Variants in CFAP45 observed in about 807,000 individuals in gnomAD.
CFAP45 encodes cilia- and flagella-associated protein 45.
A neutral mutation model predicts 75.6 loss-of-function variants in CFAP45; 43 were observed. That is an observed-to-expected ratio of 0.57 (90% confidence interval 0.45 to 0.73). CFAP45 has a LOEUF of 0.73. Among genes scored for constraint, CFAP45 ranks in the 30% least tolerant of loss-of-function variants. The pLI is 0.00. For missense variants in CFAP45, 689 were observed against 701.5 expected, an observed-to-expected ratio of 0.98 and a Z score of 0.20; for synonymous variants, 223 against 244.6, an observed-to-expected ratio of 0.91 and a Z score of 0.82.
At chr1:159,878,983 C>T (rs1220903345) in intron 8 of CFAP45, among the ~76,000 whole-genome samples, 2 of 152,112 alleles carry the variant, frequency 1.3e-5, no homozygotes, top group East Asian at 3.9e-4. Flanking sequence ...ATAGATACCA[C>T]CGTGAGGTCG....
intron 1 of CFAP45, 190 bp downstream of exon 1, chr1:159,899,906 G>C (rs1650035206): frequency 3.4e-6 from 2 of 586,524 alleles, no homozygotes; most frequent in Admixed American, 6.6e-5. Context: ...AATCGTTATC[G>C]ATGCTATCCC....
At chr1:159,891,678 T>C (rs541332705) in intron 2 of CFAP45, among the ~76,000 whole-genome samples, 34 of 152,342 alleles carry the variant, frequency 2.2e-4, no homozygotes, top group African/African-American at 7.7e-4. Flanking sequence ...CCACTTGTCC[T>C]ACCTCACTTT....
intron 6 of CFAP45, 77 bp from the exon 7 acceptor site, chr1:159,884,642 C>A (rs1571184164): frequency 2.8e-6 from 4 of 1,430,050 alleles, no homozygotes; most frequent in East Asian, 2.4e-5. Context: ...ACCTAAACAA[C>A]CCCCAAGATG....
chr1:159,886,023 C>A (rs1017924712), intron 6 of CFAP45, among the ~76,000 whole-genome samples: 1 of 152,078 alleles, frequency 6.6e-6, no homozygotes, highest in Non-Finnish European at 1.5e-5. Context: ...CTGTGAAGTG[C>A]CTCCTAGGAT....
intron 1 of CFAP45, among the ~76,000 whole-genome samples, chr1:159,899,746 C>T (rs1650030620): frequency 6.6e-6 from 1 of 152,134 alleles, no homozygotes; most frequent in African/African-American, 2.4e-5. Flanking sequence ...GGATTACAGG[C>T]GTAAGCCACC....
At chr1:159,890,410 A>G (rs1649796547) in intron 3 of CFAP45, 70 bp downstream of exon 3, 1 of 1,505,606 alleles carries the variant, frequency 6.6e-7, no homozygotes, top group Non-Finnish European at 9.2e-7. Flanking sequence ...GGGTTTACCC[A>G]TCTCCCTACA....
chr1:159,890,996 T>C (rs1234217554), intron 2 of CFAP45, among the ~76,000 whole-genome samples: 1 of 152,114 alleles, frequency 6.6e-6, no homozygotes, highest in East Asian at 1.9e-4. Flanking sequence ...TGACCTCAGA[T>C]GATCCGCCCG....
At chr1:159,883,370 A>G (rs76959518) in intron 7 of CFAP45, among the ~76,000 whole-genome samples, 4,727 of 152,302 alleles carry the variant, frequency 0.031, 93 homozygotes, top group Non-Finnish European at 0.045. Flanking sequence ...TGCAATGTGC[A>G]AACCTTGATT....
intron 1 of CFAP45, 69 bp downstream of exon 1, chr1:159,900,027 C>T (rs1041739477): frequency 1.9e-6 from 3 of 1,593,126 alleles, no homozygotes; most frequent in East Asian, 4.5e-5. Context: ...CCCCTAGGCC[C>T]CCACTTTCCC....
At chr1:159,895,304 T>C (rs1452423957) in intron 1 of CFAP45, among the ~76,000 whole-genome samples, 3 of 152,132 alleles carry the variant, frequency 2.0e-5, no homozygotes, top group Admixed American at 6.5e-5. Context: ...CTTGAAGGAA[T>C]AGGCCAGGCA....
intron 8 of CFAP45, among the ~76,000 whole-genome samples, chr1:159,878,672 G>C (rs1016686106): frequency 7.5e-5 from 11 of 145,772 alleles, no homozygotes; most frequent in African/African-American, 2.6e-4. Flanking sequence ...AGAATCTCTT[G>C]AACCCGGAAG....
chr1:159,879,724 A>G (rs1030348933), intron 8 of CFAP45, among the ~76,000 whole-genome samples: 1 of 152,208 alleles, frequency 6.6e-6, no homozygotes, highest in Non-Finnish European at 1.5e-5. Context: ...CAAATATGCC[A>G]TTCAAATTAT....
intron 10 of CFAP45, 93 bp downstream of exon 10, chr1:159,876,463 T>C: frequency 1.1e-6 from 1 of 910,258 alleles, no homozygotes; most frequent in Non-Finnish European, 1.8e-6. Context: ...GACGAGCATC[T>C]GTTAACATGC....
intron 1 of CFAP45, among the ~76,000 whole-genome samples, chr1:159,896,553 A>G (rs1200530144): frequency 6.6e-6 from 1 of 152,386 alleles, no homozygotes; most frequent in Non-Finnish European, 1.5e-5. Context: ...CAGAGGCAAT[A>G]GCGAAGAAGT....
At chr1:159,872,643 T>C in intron 11 of CFAP45, 80 bp from the exon 12 acceptor site, 1 of 1,280,760 alleles carries the variant, frequency 7.8e-7, no homozygotes. Context: ...CTGGGTGGGG[T>C]TTACAGAACC....
chr1:159,881,398 TTC>T (rs1649547359), intron 7 of CFAP45, among the ~76,000 whole-genome samples: 1 of 152,210 alleles, frequency 6.6e-6, no homozygotes, highest in African/African-American at 2.4e-5. Context: ...CATTTCTAAA[TTC>T]TCTCTGCACT....
In CFAP45 at chr1:159,883,315, G is replaced by A. The variant is rs142293785; in HGVS notation, c.897+1121C>T. ...GAATGAATGAATGAATGAATGAATG[G>A]GGGAACTCTTCTAGATCAAAACAAA... is the stretch of plus-strand genomic sequence containing the variant. On this transcript the variant is annotated intron_variant, in intron 7 of 11. Transcript: ENST00000368099. Among the ~76,000 whole-genome samples the A allele has an allele frequency of 3.7e-3, 488 of 132,738 alleles. 11 individuals are homozygous for A. The highest frequency in any genetic ancestry group is 0.032 in the Admixed American group (413 of 13,004). 87.1% of individuals were successfully genotyped at this position (132,738 alleles called of 152,430 possible). A position where few individuals can be genotyped will look rare whatever the true frequency, so the allele number is the denominator to read the frequency against.
chr1:159,874,697 G>A (rs1321967125), intron 10 of CFAP45, among the ~76,000 whole-genome samples: 2 of 152,190 alleles, frequency 1.3e-5, no homozygotes, highest in East Asian at 3.8e-4. Context: ...TCGTTCCATC[G>A]GGTTAGGGCA....
intron 7 of CFAP45, among the ~76,000 whole-genome samples, chr1:159,882,313 A>C (rs1649567232): frequency 6.6e-6 from 1 of 152,152 alleles, no homozygotes; most frequent in Non-Finnish European, 1.5e-5. Context: ...TATCCCAGAC[A>C]TCATTTAATC....
Sources: gnomAD v4.1 joint callset for allele counts (sites outside exome capture counted in the v4.1 genomes callset) on GRCh38, gnomAD v4.1.1 for gene constraint, MANE v1.5 for transcripts, NCBI Gene and HGNC (gene_info 2026-07-23, HGNC 2026-07-21) for gene names.